The following ANKRD6 variants were observed in gnomAD, a reference collection of about 807,000 sequenced individuals.
The protein encoded by ANKRD6 is ankyrin repeat domain 6, also known as ankyrin repeat domain-containing protein 6.
A neutral mutation model predicts 82.3 loss-of-function variants in ANKRD6; 56 were observed. The observed-to-expected ratio is 0.68, with a 90% CI of 0.55 to 0.85. The LOEUF is 0.85. Ranked by LOEUF, ANKRD6 falls within the 40% of genes least tolerant of loss-of-function variation. The probability of loss-of-function intolerance (pLI) is 0.00; values close to 1 mark genes in which losing one functional copy is unlikely to be tolerated. For synonymous variants in ANKRD6, 347 were observed against 352.1 expected (o/e 0.99, Z 0.16); for missense variants, 852 against 907.6 (o/e 0.94, Z 0.79).
chr6:89,561,356 A>T (rs1339960285), intron 1 of ANKRD6: 2 of 152,204 alleles, frequency 1.3e-5, no homozygotes, highest in Non-Finnish European at 2.9e-5. Flanking sequence ...ATAATGAGTC[A>T]TGGGCTTGCT....
chr6:89,623,487 G>A lies in ANKRD6; in HGVS notation c.975G>A (p.Leu325=). The A allele has an allele frequency of 6.2e-7, 1 of 1,600,848 alleles. No individual in the cohort carries two copies. Among genetic ancestry groups the A allele is most frequent in the Non-Finnish European group, 8.5e-7 (1 of 1,173,602 alleles). The stretch of plus-strand genomic sequence containing the variant: ...AAGAAGAAGCCAGAGAAGAGTTCCT[G>A]TCAGCCTCCCCAGAACCCAGAGCAA... ...ARKEEAREEF[L]SASPEPRAKD... The change falls in exon 11 of 16, where the codon CTG becomes CTA. Residue 325 remains leucine, a synonymous_variant. Transcript: ENST00000339746.
Position 89,477,547 on chromosome 6 carries a change from G to A in ANKRD6, c.-144+44172G>A, listed in dbSNP as rs548372993. ...AGCAGTTTGGGAGGCCGAGGCGGGC[G>A]GATCATGAGGTCAGGAGTTTGAGAC... is the stretch of plus-strand genomic sequence containing the variant. On this transcript the variant is annotated intron_variant, in intron 1 of 15. Coordinates refer to ENST00000339746, the MANE Select transcript of ANKRD6 (RefSeq NM_001242809.2). Among the ~76,000 whole-genome samples, 12 of 151,766 alleles carry A rather than the reference G, an allele frequency of 7.9e-5. No homozygotes were observed. The South Asian group carries it at 1.0e-3, about 13-fold the overall frequency.
In ANKRD6 at chr6:89,630,837, G is replaced by A. The variant is rs751190943; in HGVS notation, c.2017G>A (p.Glu673Lys). The change falls in exon 16 of 16, where the codon GAG becomes AAG. Residue 673 changes from glutamate (E) to lysine (K), a missense_variant. By Grantham distance (56) the Glu-to-Lys change is moderately conservative. Transcript: ENST00000339746. ...QALELTQYFF[E>K]AVSTQMEKWY... ...TCTGGAGCTTACCCAGTATTTTTTT[G>A]AGGCTGTTTCTACCCAGATGGAAAA... The A allele has an allele frequency of 6.2e-7, 1 of 1,613,780 alleles. No individual in the cohort carries two copies. The highest frequency in any genetic ancestry group is 1.1e-5 in the South Asian group (1 of 91,074).
At chr6:89,533,021 G>A (rs762397993) in intron 1 of ANKRD6, among the ~76,000 whole-genome samples, 1 of 151,994 alleles carries the variant, frequency 6.6e-6, no homozygotes, top group Non-Finnish European at 1.5e-5. Flanking sequence ...TTACAGGCAC[G>A]TGCTGCCATA....
intron 2 of ANKRD6, among the ~76,000 whole-genome samples, chr6:89,572,166 A>G (rs770866678): frequency 1.3e-5 from 2 of 152,234 alleles, no homozygotes; most frequent in Admixed American, 6.5e-5. Context: ...TTTTGGAAGC[A>G]TTCACCTACT....
At chr6:89,456,039 A>G (rs1256467649) in intron 1 of ANKRD6, among the ~76,000 whole-genome samples, 1 of 151,952 alleles carries the variant, frequency 6.6e-6, no homozygotes, top group East Asian at 1.9e-4. Context: ...ATGCCTGACT[A>G]ATTTTTTGTA....
intron 9 of ANKRD6, among the ~76,000 whole-genome samples, chr6:89,618,693 GAC>G (rs1583841321): frequency 6.6e-6 from 1 of 152,276 alleles, no homozygotes; most frequent in Non-Finnish European, 1.5e-5. Context: ...AGATGAAACA[GAC>G]ACATAATTTT....
intron 5 of ANKRD6, among the ~76,000 whole-genome samples, chr6:89,607,199 G>A (rs1798897100): frequency 6.6e-6 from 1 of 151,298 alleles, no homozygotes; most frequent in African/African-American, 2.4e-5. Context: ...TTTTTACTTG[G>A]TACCTACCTT....
intron 1 of ANKRD6, among the ~76,000 whole-genome samples, chr6:89,485,326 T>C (rs1777244860): frequency 6.6e-6 from 1 of 152,174 alleles, no homozygotes; most frequent in South Asian, 2.1e-4. Context: ...TAATGCTGGG[T>C]CAGGACATGC....
At chr6:89,605,912 T>C (rs1336723788) in intron 4 of ANKRD6, 95 bp from the exon 5 acceptor site, 1 of 802,346 alleles carries the variant, frequency 1.2e-6, no homozygotes, top group Non-Finnish European at 1.8e-6. Context: ...AAAGGCCGTC[T>C]GGTGTTCCGT....
At chr6:89,557,655 G>T (rs1435972983) in intron 1 of ANKRD6, among the ~76,000 whole-genome samples, 1 of 152,162 alleles carries the variant, frequency 6.6e-6, no homozygotes, top group Non-Finnish European at 1.5e-5. Flanking sequence ...GTACTTGTCC[G>T]TGGCCTGTTA....
intron 1 of ANKRD6, among the ~76,000 whole-genome samples, chr6:89,466,125 A>G (rs1360519173): frequency 6.6e-6 from 1 of 152,158 alleles, no homozygotes; most frequent in African/African-American, 2.4e-5. Context: ...TTTGTCCCCT[A>G]ATAATATATC....
chr6:89,469,186 T>C (rs1356537909), intron 1 of ANKRD6, among the ~76,000 whole-genome samples: 4 of 152,242 alleles, frequency 2.6e-5, no homozygotes, highest in Admixed American at 2.6e-4. Flanking sequence ...CAATCTTGTC[T>C]AGAGTATGTT....
intron 1 of ANKRD6, among the ~76,000 whole-genome samples, chr6:89,510,057 A>G (rs550392127): frequency 6.6e-6 from 1 of 152,270 alleles, no homozygotes; most frequent in East Asian, 1.9e-4. Context: ...AGCATGCTAT[A>G]TCACTTTTGG....
chr6:89,506,214 A>G (rs1447608548), intron 1 of ANKRD6, among the ~76,000 whole-genome samples: 1 of 152,182 alleles, frequency 6.6e-6, no homozygotes, highest in Non-Finnish European at 1.5e-5. Flanking sequence ...CTCACCACAT[A>G]CAAAAGTAAC....
At chr6:89,558,404 G>T (rs747383282) in intron 1 of ANKRD6, among the ~76,000 whole-genome samples, 10 of 152,144 alleles carry the variant, frequency 6.6e-5, no homozygotes, top group Non-Finnish European at 1.3e-4. Flanking sequence ...GCACCAGAAA[G>T]AAATGAGCCA....
rs116952035 is a variant in ANKRD6, at chr6:89,515,891, C to T, written c.-143-50943C>T. ...CAGAGGGAAATTAGACAGAGACGCACGAAGAGAAGGTGAAGTGAAAACCAA... is the reference window on the plus strand; with the variant it reads ...CAGAGGGAAATTAGACAGAGACGCATGAAGAGAAGGTGAAGTGAAAACCAA... On this transcript the variant is annotated intron_variant, in intron 1 of 15. Coordinates refer to ENST00000339746, the MANE Select transcript of ANKRD6 (RefSeq NM_001242809.2). Among the ~76,000 whole-genome samples the T allele has an allele frequency of 1.8e-3, 273 of 152,212 alleles. 7 individuals carry two copies. In the East Asian group the frequency reaches 0.035, roughly 20 times the overall value.
chr6:89,571,074 C>T (rs1004880986), intron 2 of ANKRD6, among the ~76,000 whole-genome samples: 11 of 151,944 alleles, frequency 7.2e-5, no homozygotes, highest in East Asian at 1.9e-4. Flanking sequence ...TTTTTTGAGT[C>T]GGAGTCTCGC....
intron 2 of ANKRD6, among the ~76,000 whole-genome samples, chr6:89,579,493 G>A (rs138006552): frequency 1.1e-3 from 164 of 152,212 alleles, no homozygotes; most frequent in Admixed American, 2.0e-3. Context: ...AATGAAGGCC[G>A]GGTGCAGTGG....
Sources: gnomAD v4.1 joint callset for allele counts (sites outside exome capture counted in the v4.1 genomes callset) on GRCh38, gnomAD v4.1.1 for gene constraint, MANE v1.5 for transcripts, NCBI Gene and HGNC (gene_info 2026-07-23, HGNC 2026-07-21) for gene names.